The following FEZ1 variants were observed in gnomAD, a reference collection of about 807,000 sequenced individuals.
The protein encoded by FEZ1 is fasciculation and elongation protein zeta-1.
In FEZ1, 20 loss-of-function variants were observed where a neutral mutation model predicts 49.3. The ratio of observed to expected loss-of-function variants is 0.41; its 90% CI spans 0.29 to 0.59. FEZ1 has a LOEUF of 0.59. Among genes scored for constraint, FEZ1 ranks in the 20% least tolerant of loss-of-function variants. The pLI, the probability that FEZ1 is intolerant of heterozygous loss-of-function variation, is 0.36. For missense variants in FEZ1, 413 were observed against 476.0 expected (o/e 0.87, Z 1.23); for synonymous variants, 170 against 180.9 (o/e 0.94, Z 0.48).
chr11:125,448,364 C>A, intron 9 of FEZ1, 138 bp downstream of exon 9: 1 of 624,088 alleles, frequency 1.6e-6, no homozygotes. Flanking sequence ...CCTATTACTC[C>A]AAAGCCTTTC....
At chr11:125,452,435 G>C in intron 7 of FEZ1, 26 bp from the exon 8 acceptor site, 7 of 1,503,126 alleles carry the variant, frequency 4.7e-6, no homozygotes, top group Non-Finnish European at 6.5e-6. Context: ...CATGCAGGGG[G>C]CTTGAGACAG....
chr11:125,459,237 C>T (rs762469827), intron 5 of FEZ1, among the ~76,000 whole-genome samples: 1 of 152,168 alleles, frequency 6.6e-6, no homozygotes, highest in Non-Finnish European at 1.5e-5. Context: ...TCTTTGCAGT[C>T]TCTTCAGAGA....
chr11:125,452,363 G>A lies in FEZ1; in HGVS notation c.1067C>T (p.Ser356Leu), dbSNP rs1412912389. The change falls in exon 8 of 10, where the codon TCA (serine) becomes TTA (leucine). Residue 356 changes from serine to leucine, a missense_variant. By Grantham distance (145) the Ser-to-Leu change is moderately radical (BLOSUM62 -2). Coordinates refer to ENST00000278919, the MANE Select transcript of FEZ1 (RefSeq NM_005103.5). ...IPYEKKASPPSVEDLQMLTNI... is the reference protein window; with the variant it reads ...IPYEKKASPPLVEDLQMLTNI... ...TGTCAGCATCTGCAGGTCTTCCACT[G>A]AGGGAGGAGAGGCTTTCTTCTCGTA... The A allele has an allele frequency of 6.2e-7, 1 of 1,613,016 alleles. No homozygotes were observed. Among genetic ancestry groups the A allele is most frequent in the Non-Finnish European group, 8.5e-7 (1 of 1,178,952 alleles).
At chr11:125,488,493 A>C (rs1300491901) in intron 2 of FEZ1, among the ~76,000 whole-genome samples, 1 of 152,226 alleles carries the variant, frequency 6.6e-6, no homozygotes, top group South Asian at 2.1e-4. Flanking sequence ...AGCCTGGCCA[A>C]CATGGTGAAA....
At position 125,443,906 on chromosome 11, in the gene FEZ1, A is replaced by G. The variant is rs1225124511; in HGVS notation, c.*2189T>C. On this transcript the variant is annotated 3_prime_UTR_variant, in exon 10 of 10. Coordinates refer to ENST00000278919, the MANE Select transcript of FEZ1 (RefSeq NM_005103.5). Reference sequence around the variant, plus strand: ...CGCTTCAGACACCTGCTGGCAGGATAAATTGGGGGAAAGGAGTGGCTGACC... The same window carrying G: ...CGCTTCAGACACCTGCTGGCAGGATGAATTGGGGGAAAGGAGTGGCTGACC... 1.3e-5 allele frequency among the ~76,000 whole-genome samples: 2 copies of G among 152,154 alleles called. No homozygotes were observed. The highest frequency in any genetic ancestry group is 2.9e-5 in the Non-Finnish European group (2 of 68,034).
chr11:125,492,454 T>C (rs1029388934), intron 1 of FEZ1, among the ~76,000 whole-genome samples: 3 of 152,196 alleles, frequency 2.0e-5, no homozygotes, highest in Admixed American at 6.5e-5. Context: ...AAGGAGGTCA[T>C]AGTGCAAAAA....
intron 4 of FEZ1, among the ~76,000 whole-genome samples, chr11:125,461,443 C>CA (rs1355873834): frequency 1.3e-5 from 2 of 152,086 alleles, no homozygotes; most frequent in Non-Finnish European, 2.9e-5. Context: ...CCCATCTCTG[C>CA]AAAAAGCAGA....
At chr11:125,473,148 A>G (rs1180947998) in intron 3 of FEZ1, among the ~76,000 whole-genome samples, 1 of 152,206 alleles carries the variant, frequency 6.6e-6, no homozygotes, top group Non-Finnish European at 1.5e-5. Flanking sequence ...TGGCATAAAG[A>G]TAGACACATT....
chr11:125,454,201 T>G lies in FEZ1; in HGVS notation c.949A>C (p.Met317Leu). 4 of 1,613,508 alleles carry G rather than the reference T, an allele frequency of 2.5e-6. No homozygotes were observed. Among genetic ancestry groups the G allele is most frequent in the Non-Finnish European group, 3.4e-6 (4 of 1,179,680 alleles). Residue 317 changes from methionine to leucine, a missense_variant, in exon 7 of 10, where the codon ATG (methionine) becomes CTG (leucine). Met to Leu is a conservative substitution (Grantham distance 15). Transcript: ENST00000278919. ...TGCAGAATGTTGGAGATGCCTTCCA[T>G]GCTGAAGCGCTGTGGGGGAGAGAGA... is the stretch of plus-strand genomic sequence containing the variant. ...GNQMPLKRFS[M>L]EGISNILQSG... is the part of the protein sequence containing the mutation.
At position 125,489,649 on chromosome 11, in the gene FEZ1, G is replaced by A; in HGVS notation, c.129C>T (p.Leu43=). ...CGGAAGAAAAATTCTCAAGCTCGGA[G>A]AGGGAGGGGTCCTCGAGATGGTGGG... ...SSPHHLEDPS[L]SELENFSSEI... Residue 43 remains leucine (L), a synonymous_variant, in exon 2 of 10, where the codon CTC becomes CTT. Transcript: ENST00000278919. The surrounding 1 kb of genome is among the most constrained non-coding windows in gnomAD (Gnocchi z 4.2). 4 of 1,614,144 alleles carry A rather than the reference G, an allele frequency of 2.5e-6. No homozygotes were observed. Among genetic ancestry groups the A allele is most frequent in the Non-Finnish European group, 2.5e-6 (3 of 1,179,988 alleles).
chr11:125,493,547 A>AAAGAAAGG lies in FEZ1; in HGVS notation c.-46+2566_-46+2573dup, dbSNP rs1555043782. On this transcript the variant is annotated intron_variant, in intron 1 of 9. Coordinates refer to ENST00000278919, the MANE Select transcript of FEZ1 (RefSeq NM_005103.5). Reference sequence around the variant, plus strand: ...GAAAGAAAGAAAGAAAGAAAGAAAGAAAGAAAGGTGATGTGGGAGTGCTTC... The same window carrying AAAGAAAGG: ...GAAAGAAAGAAAGAAAGAAAGAAAGAAAGAAAGGAAGAAAGGTGATGTGGGAGTGCTTC... Among the ~76,000 whole-genome samples, 281 of 134,518 alleles carry AAAGAAAGG rather than the reference A, an allele frequency of 2.1e-3. 6 individuals carry two copies. The highest frequency in any genetic ancestry group is 4.4e-3 in the East Asian group (18 of 4,114). The allele number at this position is 134,518 out of a possible 152,430, so 88.2% of individuals were successfully genotyped here.
At position 125,495,195 on chromosome 11, in the gene FEZ1, A is replaced by G; in HGVS notation, c.-46+926T>C. 2.8e-6 allele frequency: 1 copy of G among 357,030 alleles called. No individual in the cohort carries two copies. The highest frequency in any genetic ancestry group is 2.1e-5 in the South Asian group (1 of 46,738). The allele number at this position is 357,030 out of a possible 1,614,324, so 22.1% of individuals were successfully genotyped here. ...CTCCTCCCCCCAGTCCGGTGGGGTA[A>G]AGAAAGCCTCCTCCAGGCAGCACAA... On this transcript the variant is annotated intron_variant, in intron 1 of 9. Transcript: ENST00000278919. The surrounding 1 kb of genome is among the most constrained non-coding windows in gnomAD (Gnocchi z 4.2).
chr11:125,493,363 A>G (rs1162553072), intron 1 of FEZ1, among the ~76,000 whole-genome samples: 224 of 21,756 alleles, frequency 0.01, 1 homozygote, highest in Middle Eastern at 0.048. Flanking sequence ...GAAAGAGAGA[A>G]AAGAAAGAAA....
At chr11:125,488,554 C>T (rs552771509) in intron 2 of FEZ1, 1 of 173,030 alleles carries the variant, frequency 5.8e-6, no homozygotes, top group East Asian at 1.9e-4. Context: ...GTGGCGCACA[C>T]CTGTAGTCCC....
intron 5 of FEZ1, among the ~76,000 whole-genome samples, chr11:125,459,561 T>C (rs1957053249): frequency 6.6e-6 from 1 of 151,948 alleles, no homozygotes; most frequent in African/African-American, 2.4e-5. Context: ...CACTGCACTC[T>C]AGCCTGGGCG....
chr11:125,465,634 G>A (rs1254473652), intron 3 of FEZ1, among the ~76,000 whole-genome samples: 1 of 152,168 alleles, frequency 6.6e-6, no homozygotes, highest in Non-Finnish European at 1.5e-5. Context: ...TCAGAAGTCT[G>A]CCACTAAAAA....
chr11:125,460,633 A>C lies in FEZ1; in HGVS notation c.532T>G (p.Ser178Ala). ...TCCTCTTCTTCCTCAGGGTCTGGGGAGTTCTGCATCATTTCCTCAATCTCC... is the reference window on the plus strand; with the variant it reads ...TCCTCTTCTTCCTCAGGGTCTGGGGCGTTCTGCATCATTTCCTCAATCTCC... ...IEEIEEMMQNSPDPEEEEEVL... is the reference protein window; with the variant it reads ...IEEIEEMMQNAPDPEEEEEVL... Residue 178 changes from serine to alanine, a missense_variant, in exon 5 of 10, where the codon TCC (serine) becomes GCC (alanine). Transcript: ENST00000278919. 2 of 1,613,890 alleles carry C rather than the reference A, an allele frequency of 1.2e-6. No homozygotes were observed. Among genetic ancestry groups the C allele is most frequent in the African/African-American group, 1.3e-5 (1 of 74,996 alleles).
At chr11:125,454,337 A>C (rs1956986815) in intron 6 of FEZ1, 127 bp from the exon 7 acceptor site, 2 of 608,820 alleles carry the variant, frequency 3.3e-6, no homozygotes, top group South Asian at 2.2e-5. Flanking sequence ...CAGTAAGTGT[A>C]AGACACTGGC....
chr11:125,452,110 TTCC>T (rs1956963471), intron 8 of FEZ1, among the ~76,000 whole-genome samples: 1 of 152,188 alleles, frequency 6.6e-6, no homozygotes, highest in Non-Finnish European at 1.5e-5. Flanking sequence ...AGCAGGCCTC[TTCC>T]CTTATGGGAA....
Sources: gnomAD v4.1 joint callset for allele counts (sites outside exome capture counted in the v4.1 genomes callset) on GRCh38, gnomAD v4.1.1 for gene constraint, Gnocchi (gnomAD v3.1) non-coding constraint, MANE v1.5 for transcripts, NCBI Gene and HGNC (gene_info 2026-07-23, HGNC 2026-07-21) for gene names.